Variants in ITIH6 observed in about 807,000 individuals in gnomAD.
ITIH6 encodes the protein inter-alpha-trypsin inhibitor heavy chain family member 6, also known as inter-alpha-trypsin inhibitor heavy chain H6.
ITIH6 carries 60 observed loss-of-function variants against 58.2 expected under a neutral mutation model. The observed-to-expected ratio is 1.03, with a 90% CI of 0.84 to 1.28. The LOEUF (loss-of-function observed/expected upper bound fraction) is 1.28. Ranked by LOEUF, ITIH6 falls within the 50% of genes most tolerant of loss-of-function variation. The pLI, the probability that ITIH6 is intolerant of heterozygous loss-of-function variation, is 0.00. For missense variants in ITIH6, 1,290 were observed against 1,021.1 expected (o/e 1.26, Z -3.59); for synonymous variants, 493 against 417.4 (o/e 1.18, Z -2.21).
intron 1 of ITIH6, 96 bp from the exon 2 acceptor site, chrX:54,797,192 A>C: frequency 1.4e-6 from 1 of 732,187 alleles, no homozygotes; most frequent in Non-Finnish European, 2.0e-6. Flanking sequence ...CACAGGCCTC[A>C]AAGTATACAG....
Position 54,771,395 on chromosome X carries a change from G to T in ITIH6, c.903+2686C>A, listed in dbSNP as rs1277237099. Among the ~76,000 whole-genome samples the T allele has an allele frequency of 1.3e-4, 14 of 111,154 alleles. 1 individual carries two copies. The highest frequency in any genetic ancestry group is 4.6e-4 in the African/African-American group (14 of 30,541). On this transcript the variant is annotated intron_variant, in intron 6 of 12. Coordinates refer to ENST00000218436, the MANE Select transcript of ITIH6 (RefSeq NM_198510.3). Reference sequence around the variant, plus strand: ...GTTTCTTAAAATTCTTTTTATTTTTGTTTTTTAGCTTCAGGAATTTCTATG... The same window carrying T: ...GTTTCTTAAAATTCTTTTTATTTTTTTTTTTTAGCTTCAGGAATTTCTATG...
chrX:54,759,051 T>C (rs920488309), intron 7 of ITIH6, 53 bp from the exon 8 acceptor site: 37 of 889,712 alleles, frequency 4.2e-5, no homozygotes, highest in Non-Finnish European at 5.2e-5. Flanking sequence ...TCTACCCCCA[T>C]TGCAGACACA....
Position 54,758,268 on chromosome X carries a change from G to A in ITIH6, c.1806C>T (p.Val602=). 2 of 1,211,336 alleles carry A rather than the reference G, an allele frequency of 1.7e-6. No individual in the cohort carries two copies. The highest frequency in any genetic ancestry group is 2.2e-6 in the Non-Finnish European group (2 of 895,152). The change falls in exon 8 of 13, where the codon GTC becomes GTT. Residue 602 remains valine (V), a synonymous_variant. Transcript: ENST00000218436. The part of the protein sequence containing the change: ...VLNLSLEYNF[V]TPLTSLVMVQ... ...CCATGACCAGTGAAGTCAGAGGTGT[G>A]ACAAAGTTGTATTCAAGGGACAGGT... is the stretch of plus-strand genomic sequence containing the variant.
intron 6 of ITIH6, among the ~76,000 whole-genome samples, chrX:54,769,957 G>A (rs1928908707): frequency 9.2e-6 from 1 of 109,111 alleles, no homozygotes; most frequent in African/African-American, 3.3e-5. Context: ...CCTGGGCAAT[G>A]GCGGGCGCCC....
intron 2 of ITIH6, among the ~76,000 whole-genome samples, chrX:54,793,520 T>A (rs1463150272): frequency 8.9e-6 from 1 of 112,186 alleles, no homozygotes; most frequent in Admixed American, 9.4e-5. Context: ...ACAATCCACA[T>A]CCAATCCATC....
At chrX:54,774,944 T>C (rs993209940) in intron 5 of ITIH6, among the ~76,000 whole-genome samples, 2 of 111,700 alleles carry the variant, frequency 1.8e-5, no homozygotes, top group African/African-American at 6.5e-5. Context: ...TGTGCTACCC[T>C]GAAGCTGAAG....
rs750304500 is a variant in ITIH6, at chrX:54,758,722, C to G, written c.1352G>C (p.Arg451Pro). 12 of 1,209,441 alleles carry G rather than the reference C, an allele frequency of 9.9e-6. No individual in the cohort carries two copies. ...LSLENRGIAR[R>P]IYEDTDAALQ... The stretch of plus-strand genomic sequence containing the variant: ...GGCCGCATCAGTGTCCTCATATATG[C>G]GCCGGGCTATTCCCCGGTTTTCCAG... The change falls in exon 8 of 13, where the codon CGC (arginine) becomes CCC (proline). Residue 451 changes from arginine to proline, a missense_variant. By Grantham distance (103) the Arg-to-Pro change is moderately radical. Coordinates refer to ENST00000218436, the MANE Select transcript of ITIH6 (RefSeq NM_198510.3).
chrX:54,759,421 A>G (rs1207570549), intron 7 of ITIH6, among the ~76,000 whole-genome samples: 2 of 112,128 alleles, frequency 1.8e-5, no homozygotes, highest in African/African-American at 3.2e-5. Context: ...AGCTAGAATC[A>G]GGGCAGCAGC....
rs778755362 is a variant in ITIH6, at chrX:54,757,361, G to A, written c.2713C>T (p.Pro905Ser). The change falls in exon 8 of 13, where the codon CCA becomes TCA. Residue 905 changes from proline to serine, a missense_variant. Coordinates refer to ENST00000218436, the MANE Select transcript of ITIH6 (RefSeq NM_198510.3). ...PPLPESLSTF[P>S]NTISSSTGPS... ...CCTGTGGAACTTGAGATTGTATTTG[G>A]GAATGTGCTTAGGCTCTCAGGAAGT... The A allele has an allele frequency of 3.3e-6, 4 of 1,205,711 alleles. No homozygotes were observed. The highest frequency in any genetic ancestry group is 2.2e-6 in the Non-Finnish European group (2 of 893,214).
rs763773072 is a variant in ITIH6, at chrX:54,759,770, A to T, written c.1061T>A (p.Met354Lys). The change falls in exon 7 of 13, where the codon ATG (methionine) becomes AAG (lysine). Residue 354 changes from methionine (M) to lysine (K), a missense_variant. Met to Lys is a moderately conservative substitution (Grantham distance 95). Transcript: ENST00000218436. Reference protein sequence around the residue: ...VHSAKDYLHCMEADGWTDVNS... With the variant: ...VHSAKDYLHCKEADGWTDVNS... ...CTAACACTTACAGCCATCGGCTTCC[A>T]TGCAATGCAGGTAGTCCTTGGCACT... The T allele has an allele frequency of 7.5e-6, 9 of 1,207,131 alleles. No homozygotes were observed. The African/African-American group carries it at 8.7e-5, about 12-fold the overall frequency.
At chrX:54,766,909 G>T (rs1928802360) in intron 6 of ITIH6, among the ~76,000 whole-genome samples, 1 of 107,197 alleles carries the variant, frequency 9.3e-6, no homozygotes, top group Non-Finnish European at 1.9e-5. Context: ...CTCATGAAAT[G>T]AGTTAGGGAG....
At chrX:54,761,826 T>A (rs1315315031) in intron 6 of ITIH6, among the ~76,000 whole-genome samples, 1 of 112,039 alleles carries the variant, frequency 8.9e-6, no homozygotes, top group Non-Finnish European at 1.9e-5. Context: ...TACCATGCTG[T>A]TTTGGTTACT....
chrX:54,757,198 G>A lies in ITIH6; in HGVS notation c.2876C>T (p.Pro959Leu). The part of the protein sequence containing the change: ...GPQRTRQVLG[P>L]SRPGVPTMSL... Reference sequence around the variant, plus strand: ...CATTGTTGGAACTCCTGGCCTAGATGGTCCCAGAACTTGCCTGGTCCTCTG... The same window carrying A: ...CATTGTTGGAACTCCTGGCCTAGATAGTCCCAGAACTTGCCTGGTCCTCTG... The change falls in exon 8 of 13, where the codon CCA becomes CTA. Residue 959 changes from proline to leucine, a missense_variant. Transcript: ENST00000218436. 1 of 1,205,682 alleles carries A rather than the reference G, an allele frequency of 8.3e-7. No individual in the cohort carries two copies. The highest frequency in any genetic ancestry group is 1.1e-6 in the Non-Finnish European group (1 of 892,119).
Position 54,790,998 on chromosome X carries a change from A to G in ITIH6, c.455T>C (p.Leu152Pro), listed in dbSNP as rs1314061406. 1 of 1,211,003 alleles carries G rather than the reference A, an allele frequency of 8.3e-7. No homozygotes were observed. The highest frequency in any genetic ancestry group is 1.7e-5 in the African/African-American group (1 of 57,485). ...VTFSLAYEEL[L>P]QRHQGQYQLV... ...CTGGTACTGGCCCTGGTGCCGCTGA[A>G]GCAGTTCCTCATAGGCCAGGGAAAA... is the stretch of plus-strand genomic sequence containing the variant. The change falls in exon 4 of 13, where the codon CTT (leucine) becomes CCT (proline). Residue 152 changes from leucine (L) to proline (P), a missense_variant. Physicochemically the swap from Leu to Pro is moderately conservative, Grantham distance 98. Transcript: ENST00000218436.
intron 9 of ITIH6, 74 bp from the exon 10 acceptor site, chrX:54,754,039 C>T (rs1453827126): frequency 2.0e-6 from 2 of 1,000,863 alleles, no homozygotes; most frequent in Non-Finnish European, 1.4e-6. Flanking sequence ...GACATACTCC[C>T]AGATAAGGGC....
intron 6 of ITIH6, among the ~76,000 whole-genome samples, chrX:54,762,203 G>C (rs951525400): frequency 7.2e-5 from 8 of 111,386 alleles, no homozygotes; most frequent in Non-Finnish European, 1.5e-4. Flanking sequence ...TGAAGCAATT[G>C]TGACTGGGAG....
At chrX:54,762,071 C>G (rs1928658538) in intron 6 of ITIH6, among the ~76,000 whole-genome samples, 1 of 111,884 alleles carries the variant, frequency 8.9e-6, no homozygotes, top group Non-Finnish European at 1.9e-5. Flanking sequence ...TATCCATGAG[C>G]ATGGAATGTT....
At chrX:54,768,552 G>A (rs1397454495) in intron 6 of ITIH6, among the ~76,000 whole-genome samples, 8 of 104,785 alleles carry the variant, frequency 7.6e-5, no homozygotes, top group African/African-American at 2.9e-4. Context: ...TCCATGTTTA[G>A]TGCTTCCTTC....
At chrX:54,759,142 C>T in intron 7 of ITIH6, 144 bp from the exon 8 acceptor site, 1 of 450,434 alleles carries the variant, frequency 2.2e-6, no homozygotes. Context: ...TTCCCAACTT[C>T]TCCACTCCCA....
Sources: allele counts gnomAD v4.1 joint callset (sites outside exome capture counted in the v4.1 genomes callset), GRCh38; gene constraint gnomAD v4.1.1; transcripts MANE v1.5; gene names NCBI Gene and HGNC (gene_info 2026-07-23, HGNC 2026-07-21).